RAPGEF2: variants seen among roughly 807,000 people sequenced by gnomAD.
The protein encoded by RAPGEF2 is PDZ domain containing guanine nucleotide exchange factor (GEF) 1.
In RAPGEF2, 54 loss-of-function variants were observed where a neutral mutation model predicts 186.7. The observed-to-expected ratio is 0.29, with a 90% CI of 0.23 to 0.36. The LOEUF is 0.36. Among genes scored for constraint, RAPGEF2 ranks in the 10% least tolerant of loss-of-function variants. The pLI, the probability that RAPGEF2 is intolerant of heterozygous loss-of-function variation, is 1.00. For synonymous variants in RAPGEF2, 712 were observed against 705.9 expected, an observed-to-expected ratio of 1.01 and a Z score of -0.14; for missense variants, 1,532 against 2,045.0, an observed-to-expected ratio of 0.75 and a Z score of 4.84.
chr4:159,172,670 G>T (rs1746035190), intron 1 of RAPGEF2, among the ~76,000 whole-genome samples: 1 of 152,156 alleles, frequency 6.6e-6, no homozygotes, highest in Non-Finnish European at 1.5e-5. Context: ...CTCTGTAAGT[G>T]GGGGAGGTAG....
At chr4:159,230,341 ATG>A (rs1410026931) in intron 4 of RAPGEF2, among the ~76,000 whole-genome samples, 6 of 152,184 alleles carry the variant, frequency 3.9e-5, no homozygotes, top group Non-Finnish European at 8.8e-5. Context: ...AGCTATTCAT[ATG>A]TGTGTGTTAA....
At chr4:159,128,001 G>T (rs1740551603) in intron 1 of RAPGEF2, among the ~76,000 whole-genome samples, 1 of 152,134 alleles carries the variant, frequency 6.6e-6, no homozygotes, top group Admixed American at 6.5e-5. Context: ...GAATCTCTAT[G>T]CCCTGGACTG....
chr4:159,163,009 TGTTCCAAAAAGGAGTTA>T (rs1176964140), intron 1 of RAPGEF2, among the ~76,000 whole-genome samples: 1 of 152,146 alleles, frequency 6.6e-6, no homozygotes, highest in East Asian at 1.9e-4. Flanking sequence ...CCGAAACACC[TGTTCCAAAAAGGAGTTA>T]GTTATTTCTG....
chr4:159,194,894 T>C (rs1561069914), intron 3 of RAPGEF2, among the ~76,000 whole-genome samples: 1 of 152,126 alleles, frequency 6.6e-6, no homozygotes, highest in Non-Finnish European at 1.5e-5. Context: ...GTGAGTTAGA[T>C]AGATTGAGTG....
chr4:159,330,461 T>C lies in RAPGEF2; in HGVS notation c.1430T>C (p.Leu477Ser), dbSNP rs769808026. 1 of 1,607,304 alleles carries C rather than the reference T, an allele frequency of 6.2e-7. No homozygotes were observed. Among genetic ancestry groups the C allele is most frequent in the Non-Finnish European group, 8.5e-7 (1 of 1,178,306 alleles). The change falls in exon 13 of 30, where the codon TTA becomes TCA. Residue 477 changes from leucine to serine, a missense_variant. Coordinates refer to ENST00000691494, the MANE Select transcript of RAPGEF2 (RefSeq NM_001394067.2). ...LSSPMEVGKK[L>S]LEWFNDPSLR... ...AGCCCAATGGAAGTGGGCAAAAAGT[T>C]ATTGGAGTGGTTTAATGACCCGAGC...
chr4:159,130,046 A>G lies in RAPGEF2; in HGVS notation c.69+25815A>G, dbSNP rs529869488. ...GGTGTTCCTCCCTATTTTAGACCAT[A>G]CAGGGAAACTTCCAGACATTGCCAT... On this transcript the variant is annotated intron_variant, in intron 1 of 29. Transcript: ENST00000691494. Among the ~76,000 whole-genome samples the G allele has an allele frequency of 2.6e-5, 4 of 152,344 alleles. No homozygotes were observed. In the South Asian group the frequency reaches 8.3e-4, roughly 32 times the overall value.
At chr4:159,307,411 A>G (rs531595260) in intron 8 of RAPGEF2, among the ~76,000 whole-genome samples, 1 of 152,236 alleles carries the variant, frequency 6.6e-6, no homozygotes, top group African/African-American at 2.4e-5. Flanking sequence ...CAAACACACC[A>G]TTTATTCTGA....
At chr4:159,342,253 A>G (rs943656787) in intron 20 of RAPGEF2, among the ~76,000 whole-genome samples, 2 of 152,062 alleles carry the variant, frequency 1.3e-5, no homozygotes, top group African/African-American at 2.4e-5. Flanking sequence ...GTTTGTTTCA[A>G]CTTTTCTCAA....
intron 1 of RAPGEF2, among the ~76,000 whole-genome samples, chr4:159,182,383 C>CTTTTTT (rs1747097433): frequency 1.3e-5 from 1 of 76,810 alleles, no homozygotes; most frequent in Non-Finnish European, 2.7e-5. Flanking sequence ...ATTTTCTTTT[C>CTTTTTT]TTCTTTTTTT....
At chr4:159,200,058 CTCTA>C (rs1184331266) in intron 3 of RAPGEF2, among the ~76,000 whole-genome samples, 1 of 152,006 alleles carries the variant, frequency 6.6e-6, no homozygotes, top group South Asian at 2.1e-4. Flanking sequence ...CTCTCTCTCT[CTCTA>C]TATATATATA....
At position 159,356,080 on chromosome 4, in the gene RAPGEF2, C is replaced by T; in HGVS notation, c.4879C>T (p.Pro1627Ser). The change falls in exon 29 of 30, where the codon CCT (proline) becomes TCT (serine). Residue 1627 changes from proline (P) to serine (S), a missense_variant. By Grantham distance (74) the Pro-to-Ser change is moderately conservative. Transcript: ENST00000691494. ...HPTSSRPVNK[P>S]QWHKPNESDP... ...CACCAGCAGCAGGCCTGTGAACAAA[C>T]CTCAGTGGCATAAACCGAACGAGTC... The T allele has an allele frequency of 1.9e-6, 3 of 1,614,204 alleles. No individual in the cohort carries two copies. Among genetic ancestry groups the T allele is most frequent in the Non-Finnish European group, 2.5e-6 (3 of 1,180,042 alleles).
intron 1 of RAPGEF2, among the ~76,000 whole-genome samples, chr4:159,164,044 C>G (rs924355205): frequency 4.6e-5 from 7 of 151,642 alleles, no homozygotes; most frequent in African/African-American, 1.2e-4. Flanking sequence ...TCGCCGTGTC[C>G]CCCAGGCTGG....
chr4:159,281,602 C>A (rs546022876), intron 7 of RAPGEF2, among the ~76,000 whole-genome samples: 2 of 142,274 alleles, frequency 1.4e-5, no homozygotes, highest in African/African-American at 5.2e-5. Flanking sequence ...ACCCAGGAGG[C>A]GGAGGTTGCA....
At chr4:159,212,735 A>T (rs1385699907) in intron 4 of RAPGEF2, among the ~76,000 whole-genome samples, 1 of 152,226 alleles carries the variant, frequency 6.6e-6, no homozygotes, top group Admixed American at 6.5e-5. Context: ...TTTATGTCTT[A>T]AAAAGAGCAC....
chr4:159,152,167 C>CA (rs1579316542), intron 1 of RAPGEF2, among the ~76,000 whole-genome samples: 1 of 152,070 alleles, frequency 6.6e-6, no homozygotes, highest in Non-Finnish European at 1.5e-5. Context: ...ACAAAAAATA[C>CA]AAAATTTAGC....
In RAPGEF2 at chr4:159,331,469, C is replaced by T; in HGVS notation, c.1506C>T (p.Phe502=). 1 of 1,613,166 alleles carries T rather than the reference C, an allele frequency of 6.2e-7. No individual in the cohort carries two copies. Among genetic ancestry groups the T allele is most frequent in the Non-Finnish European group, 8.5e-7 (1 of 1,179,300 alleles). ...RVVLLWVNNH[F]NDFEGDPAMT... is the part of the protein sequence containing the mutation. The stretch of plus-strand genomic sequence containing the variant: ...TATTATTGTGGGTAAATAATCACTT[C>T]AATGACTTTGAAGGAGATCCTGCAA... The change falls in exon 14 of 30, where the codon TTC becomes TTT. Residue 502 remains phenylalanine, a synonymous_variant. Transcript: ENST00000691494.
chr4:159,199,405 ATGTT>A (rs1314529586), intron 3 of RAPGEF2, among the ~76,000 whole-genome samples: 1 of 152,006 alleles, frequency 6.6e-6, no homozygotes, highest in Non-Finnish European at 1.5e-5. Flanking sequence ...GGTAGGGACT[ATGTT>A]TGTTTCAGGT....
rs28444110 is a variant in RAPGEF2, at chr4:159,285,586, T to C, written c.544-18756T>C. Among the ~76,000 whole-genome samples the C allele has an allele frequency of 8.1e-3, 1,235 of 152,336 alleles. 13 individuals are homozygous for C. Among genetic ancestry groups the C allele is most frequent in the African/African-American group, 0.028 (1,164 of 41,574 alleles). On this transcript the variant is annotated intron_variant, in intron 7 of 29. Coordinates refer to ENST00000691494, the MANE Select transcript of RAPGEF2 (RefSeq NM_001394067.2). ...TCCTTAAGAGATTTATAAGCAAAAG[T>C]GTAGACGTTTAAGCAAACTTAACTT...
intron 1 of RAPGEF2, among the ~76,000 whole-genome samples, chr4:159,161,599 G>T (rs982687484): frequency 1.3e-5 from 2 of 152,114 alleles, no homozygotes; most frequent in Non-Finnish European, 2.9e-5. Flanking sequence ...AGCTACTCAG[G>T]GGGCTGAGGC....
Sources: gnomAD v4.1 joint callset for allele counts (sites outside exome capture counted in the v4.1 genomes callset) on GRCh38, gnomAD v4.1.1 for gene constraint, MANE v1.5 for transcripts, NCBI Gene and HGNC (gene_info 2026-07-23, HGNC 2026-07-21) for gene names.